The following TMPRSS15 variants were observed in gnomAD, a reference collection of about 807,000 sequenced individuals.
The protein encoded by TMPRSS15 is transmembrane serine protease 15.
Under a neutral mutation model 125.3 loss-of-function variants are expected in TMPRSS15, and 128 were observed. That is an observed-to-expected ratio of 1.02 (90% CI 0.89 to 1.18). The LOEUF (loss-of-function observed/expected upper bound fraction) is 1.18, where lower values mean the gene tolerates loss of function less well. Ranked by LOEUF, TMPRSS15 falls within the 50% of genes most tolerant of loss-of-function variation. The pLI is 0.00. For synonymous variants in TMPRSS15, 446 were observed against 423.2 expected (o/e 1.05, Z -0.66); for missense variants, 1,283 against 1,212.7 (o/e 1.06, Z -0.86).
At chr21:18,350,875 T>C (rs958852751) in intron 10 of TMPRSS15, among the ~76,000 whole-genome samples, 5 of 151,990 alleles carry the variant, frequency 3.3e-5, no homozygotes. Context: ...GAATAAGGCC[T>C]GGAGCTCAAT....
At chr21:18,453,921 C>T (rs1978388227) in intron 1 of TMPRSS15, among the ~76,000 whole-genome samples, 1 of 152,096 alleles carries the variant, frequency 6.6e-6, no homozygotes, top group Admixed American at 6.6e-5. Context: ...TGCAATATTC[C>T]ACCTGTATGA....
At chr21:18,361,073 TA>T (rs1279979270) in intron 7 of TMPRSS15, among the ~76,000 whole-genome samples, 4 of 152,176 alleles carry the variant, frequency 2.6e-5, no homozygotes, top group East Asian at 3.9e-4. Context: ...GCTATTGATA[TA>T]AAAAAATAAT....
rs1381929043 is a variant in TMPRSS15, at chr21:18,326,107, T to C, written c.1921+325A>G. Among the ~76,000 whole-genome samples the C allele has an allele frequency of 2.0e-5, 3 of 152,226 alleles. No individual in the cohort carries two copies. In the East Asian group the frequency reaches 5.8e-4, roughly 29 times the overall value. On this transcript the variant is annotated intron_variant, in intron 16 of 24. Transcript: ENST00000284885. ...GAAAATGTTCTTGATATGGGAAACA[T>C]GACAGTCTTCTTTCCTTAGAGGGTC... is the stretch of plus-strand genomic sequence containing the variant.
chr21:18,384,111 A>G (rs1254993937), intron 3 of TMPRSS15, among the ~76,000 whole-genome samples: 3 of 151,908 alleles, frequency 2.0e-5, no homozygotes, highest in Admixed American at 2.0e-4. Context: ...CTTTGCACTT[A>G]CTCTGATTTT....
chr21:18,334,959 C>T (rs1003592368), intron 13 of TMPRSS15, among the ~76,000 whole-genome samples: 1 of 152,126 alleles, frequency 6.6e-6, no homozygotes. Context: ...AGAGAGTGTA[C>T]ATGGGGTGCC....
At chr21:18,382,179 A>G (rs976351737) in intron 4 of TMPRSS15, among the ~76,000 whole-genome samples, 1 of 152,138 alleles carries the variant, frequency 6.6e-6, no homozygotes, top group Non-Finnish European at 1.5e-5. Context: ...TACCAAAAGT[A>G]TCTGTGTTTT....
chr21:18,283,366 T>A (rs1257458206), intron 21 of TMPRSS15, among the ~76,000 whole-genome samples: 1 of 140,288 alleles, frequency 7.1e-6, no homozygotes, highest in East Asian at 1.9e-4. Context: ...TTGTATGATT[T>A]TTTTTTTACT....
intron 17 of TMPRSS15, among the ~76,000 whole-genome samples, chr21:18,313,320 T>C (rs1446190084): frequency 1.3e-5 from 2 of 148,396 alleles, no homozygotes; most frequent in Non-Finnish European, 3.0e-5. Flanking sequence ...ATTAGCATAA[T>C]TCAATCATTC....
intron 7 of TMPRSS15, among the ~76,000 whole-genome samples, chr21:18,362,331 C>A (rs1350021462): frequency 1.3e-5 from 2 of 152,060 alleles, no homozygotes; most frequent in Non-Finnish European, 2.9e-5. Context: ...TTCTGGTGTG[C>A]CTGGGCAAGA....
chr21:18,278,927 T>TGTTTG lies in TMPRSS15; in HGVS notation c.2764+36_2764+37insCAAAC, dbSNP rs201910878. 6.2e-5 allele frequency: 36 copies of TGTTTG among 581,510 alleles called. No homozygotes were observed. The East Asian group carries it at 6.7e-4, about 11-fold the overall frequency. 36.0% of individuals were successfully genotyped at this position (581,510 alleles called of 1,614,324 possible). On this transcript the variant is annotated intron_variant, in intron 23 of 24. Transcript: ENST00000284885. ...CAGTCTGTTTTTCACCAGTAAGGTT[T>TGTTTG]TTTTTTTTTTTTTTTTTTTTGAGTC... is the stretch of plus-strand genomic sequence containing the variant.
intron 22 of TMPRSS15, 62 bp from the exon 23 acceptor site, chr21:18,279,121 G>A: frequency 1.1e-6 from 1 of 884,306 alleles, no homozygotes; most frequent in Non-Finnish European, 1.9e-6. Context: ...AGATTTACAA[G>A]CATTTCTAAC....
chr21:18,365,632 T>TTTC (rs1555904753), intron 6 of TMPRSS15, among the ~76,000 whole-genome samples: 1,931 of 84,480 alleles, frequency 0.023, 152 homozygotes, highest in African/African-American at 0.083. Context: ...TTCTTTCTCT[T>TTTC]TCTCTCTCTT....
chr21:18,348,878 A>G (rs919850463), intron 10 of TMPRSS15, among the ~76,000 whole-genome samples: 7 of 152,160 alleles, frequency 4.6e-5, no homozygotes, highest in African/African-American at 1.7e-4. Context: ...TGTGTCAGCC[A>G]TTTTTCAGAG....
intron 18 of TMPRSS15, 87 bp from the exon 19 acceptor site, chr21:18,297,916 G>C (rs904492205): frequency 4.0e-5 from 40 of 1,009,176 alleles, no homozygotes; most frequent in Middle Eastern, 2.4e-4. Flanking sequence ...TAATGCTATG[G>C]ACATTAAAAC....
chr21:18,360,332 G>A (rs190957285), intron 7 of TMPRSS15, among the ~76,000 whole-genome samples: 12 of 151,958 alleles, frequency 7.9e-5, no homozygotes, highest in Admixed American at 4.6e-4. Flanking sequence ...TTCAATCATC[G>A]GATTATGGAC....
At position 18,369,759 on chromosome 21, in the gene TMPRSS15, G is replaced by A. The variant is rs374306172; in HGVS notation, c.664+2434C>T. Among the ~76,000 whole-genome samples the A allele has an allele frequency of 1.2e-4, 19 of 152,136 alleles. No individual in the cohort carries two copies. In the East Asian group the frequency reaches 2.1e-3, roughly 17 times the overall value. The stretch of plus-strand genomic sequence containing the variant: ...GATTGATGGACAGTGGCTTTCAGGT[G>A]GAAATAATGCTGCTGGAAGTTTGAG... On this transcript the variant is annotated intron_variant, in intron 6 of 24. Transcript: ENST00000284885.
Position 18,390,035 on chromosome 21 carries a change from C to T in TMPRSS15, c.345-6257G>A, listed in dbSNP as rs889328884. 7.2e-5 allele frequency among the ~76,000 whole-genome samples: 11 copies of T among 152,228 alleles called. 1 individual carries two copies. In the Middle Eastern group the frequency reaches 0.01, roughly 141 times the overall value. On this transcript the variant is annotated intron_variant, in intron 3 of 24. Coordinates refer to ENST00000284885, the MANE Select transcript of TMPRSS15 (RefSeq NM_002772.3). ...GATGTCTCAACATCTTCTTAGTAGC[C>T]CTCAATGCCAGCTCTATTATATCCT...
At chr21:18,275,106 T>C in intron 24 of TMPRSS15, 91 bp downstream of exon 24, 1 of 1,506,838 alleles carries the variant, frequency 6.6e-7, no homozygotes, top group Non-Finnish European at 9.2e-7. Flanking sequence ...AAGAAGCTTA[T>C]TTCTTTACTC....
At chr21:18,339,362 T>C (rs1006592912) in intron 13 of TMPRSS15, among the ~76,000 whole-genome samples, 1 of 152,216 alleles carries the variant, frequency 6.6e-6, no homozygotes, top group Non-Finnish European at 1.5e-5. Context: ...ATTTGTTACA[T>C]GTTCTTAAAT....
Sources: gnomAD v4.1 joint callset for allele counts (sites outside exome capture counted in the v4.1 genomes callset) on GRCh38, gnomAD v4.1.1 for gene constraint, MANE v1.5 for transcripts, NCBI Gene and HGNC (gene_info 2026-07-23, HGNC 2026-07-21) for gene names.